Variants in TDRD3 observed in about 807,000 individuals in gnomAD.
The protein encoded by TDRD3 is tudor domain-containing protein 3.
TDRD3 carries 45 observed loss-of-function variants against 86.7 expected under a neutral mutation model. The ratio of observed to expected loss-of-function variants is 0.52; its 90% CI spans 0.41 to 0.67. The LOEUF is 0.67. Among genes scored for constraint, TDRD3 ranks in the 30% least tolerant of loss-of-function variants. The pLI is 0.00. For synonymous variants in TDRD3, 298 were observed against 301.7 expected (o/e 0.99, Z 0.13); for missense variants, 814 against 889.0 (o/e 0.92, Z 1.07).
At chr13:60,549,767 A>G (rs1958007326) in intron 12 of TDRD3, among the ~76,000 whole-genome samples, 1 of 152,062 alleles carries the variant, frequency 6.6e-6, no homozygotes, top group Non-Finnish European at 1.5e-5. Context: ...TCTGTCTATT[A>G]TTGACCATTT....
intron 3 of TDRD3, among the ~76,000 whole-genome samples, chr13:60,459,768 A>T (rs886599346): frequency 2.6e-5 from 4 of 152,078 alleles, no homozygotes; most frequent in Non-Finnish European, 5.9e-5. Context: ...TTACAGGTGC[A>T]TGCCACCATA....
intron 8 of TDRD3, among the ~76,000 whole-genome samples, chr13:60,502,764 A>C (rs944981857): frequency 6.6e-6 from 1 of 152,188 alleles, no homozygotes; most frequent in Non-Finnish European, 1.5e-5. Flanking sequence ...GTATGAGGCC[A>C]GTTCTCTCCA....
At chr13:60,522,292 TAAAC>T (rs767666166) in intron 10 of TDRD3, among the ~76,000 whole-genome samples, 1 of 152,092 alleles carries the variant, frequency 6.6e-6, no homozygotes, top group Admixed American at 6.6e-5. Context: ...TAAAAACAAA[TAAAC>T]AAGAAAACTA....
intron 12 of TDRD3, among the ~76,000 whole-genome samples, chr13:60,545,515 T>C (rs1957919548): frequency 6.6e-6 from 1 of 152,080 alleles, no homozygotes; most frequent in African/African-American, 2.4e-5. Context: ...AACTGTAAAA[T>C]TTAGGGACAT....
intron 12 of TDRD3, among the ~76,000 whole-genome samples, chr13:60,563,372 G>T (rs143015163): frequency 6.6e-6 from 1 of 152,094 alleles, no homozygotes; most frequent in Non-Finnish European, 1.5e-5. Flanking sequence ...TTACATCTTA[G>T]GGGTAGAAGC....
intron 1 of TDRD3, among the ~76,000 whole-genome samples, chr13:60,420,379 A>G (rs886272322): frequency 7.5e-6 from 1 of 134,008 alleles, no homozygotes; most frequent in Non-Finnish European, 1.7e-5. Flanking sequence ...CAATTTTATC[A>G]GTTTTTTTTT....
rs116543361 is a variant in TDRD3 at position 60,516,170 on chromosome 13, T to G, written c.1141+5415T>G. On this transcript the variant is annotated intron_variant, in intron 10 of 13. Transcript: ENST00000377881. ...ATCAAACCTTTCTTGCTTCTGTGTT[T>G]TGTATCAGCATAAGCTGTCTGAGGA... Among the ~76,000 whole-genome samples, 1,426 of 152,326 alleles carry G rather than the reference T, an allele frequency of 9.4e-3. 21 individuals carry two copies. The highest frequency in any genetic ancestry group is 0.032 in the African/African-American group (1,329 of 41,586).
intron 1 of TDRD3, among the ~76,000 whole-genome samples, chr13:60,424,898 T>A (rs935192025): frequency 6.6e-6 from 1 of 152,222 alleles, no homozygotes; most frequent in East Asian, 1.9e-4. Context: ...TTGTGGCTTT[T>A]AATGTTTGGC....
chr13:60,558,329 T>G (rs1958248783), intron 12 of TDRD3, among the ~76,000 whole-genome samples: 1 of 152,186 alleles, frequency 6.6e-6, no homozygotes, highest in Non-Finnish European at 1.5e-5. Flanking sequence ...AAAAATGACA[T>G]AAACTATGAG....
At chr13:60,544,488 T>G (rs1372897592) in intron 12 of TDRD3, among the ~76,000 whole-genome samples, 4 of 150,964 alleles carry the variant, frequency 2.6e-5, no homozygotes, top group African/African-American at 9.7e-5. Flanking sequence ...AAGAAAAAAT[T>G]GTCAAAACTA....
intron 10 of TDRD3, among the ~76,000 whole-genome samples, chr13:60,518,643 C>G (rs1448315777): frequency 6.6e-6 from 1 of 152,166 alleles, no homozygotes; most frequent in Non-Finnish European, 1.5e-5. Context: ...CAGTGTCATA[C>G]TTAATTGCCT....
intron 3 of TDRD3, among the ~76,000 whole-genome samples, chr13:60,456,052 AGAGT>A (rs1423197571): frequency 6.9e-6 from 1 of 144,472 alleles, no homozygotes; most frequent in Non-Finnish European, 1.5e-5. Context: ...CCTGGGTGAC[AGAGT>A]GAGACTATGT....
chr13:60,541,655 T>G (rs1957811229), intron 12 of TDRD3, among the ~76,000 whole-genome samples: 1 of 151,054 alleles, frequency 6.6e-6, no homozygotes, highest in Non-Finnish European at 1.5e-5. Context: ...TATAATAGAT[T>G]GATTTTTCAT....
chr13:60,425,236 A>T (rs987949348), intron 1 of TDRD3, among the ~76,000 whole-genome samples: 16 of 152,224 alleles, frequency 1.1e-4, no homozygotes, highest in Non-Finnish European at 2.4e-4. Flanking sequence ...AAGACATAAA[A>T]ATGTCTAAGA....
intron 12 of TDRD3, among the ~76,000 whole-genome samples, chr13:60,543,132 A>G (rs1421355304): frequency 2.0e-5 from 3 of 152,230 alleles, no homozygotes; most frequent in Non-Finnish European, 4.4e-5. Flanking sequence ...AGGGAAAGGA[A>G]GTACTACAAC....
At chr13:60,492,535 C>T (rs1231679378) in intron 7 of TDRD3, among the ~76,000 whole-genome samples, 1 of 152,160 alleles carries the variant, frequency 6.6e-6, no homozygotes, top group African/African-American at 2.4e-5. Context: ...AGTGGCTGGG[C>T]CAAGATAAGT....
chr13:60,473,714 C>A (rs1365553361), intron 5 of TDRD3, among the ~76,000 whole-genome samples: 1 of 152,142 alleles, frequency 6.6e-6, no homozygotes, highest in East Asian at 1.9e-4. Flanking sequence ...TGAGAAGTGA[C>A]CAGAAGACAA....
chr13:60,474,022 A>C (rs1357356636), intron 5 of TDRD3, among the ~76,000 whole-genome samples: 1 of 152,192 alleles, frequency 6.6e-6, no homozygotes, highest in Non-Finnish European at 1.5e-5. Flanking sequence ...CAGAGGCCTG[A>C]CTGTCTCCCT....
At position 60,494,502 on chromosome 13, in the gene TDRD3, G is replaced by A. The variant is rs569390122; in HGVS notation, c.785G>A (p.Arg262Gln). 22 of 1,613,622 alleles carry A rather than the reference G, an allele frequency of 1.4e-5. No individual in the cohort carries two copies. The highest frequency in any genetic ancestry group is 1.9e-5 in the Non-Finnish European group (22 of 1,179,836). The change falls in exon 8 of 14, where the codon CGA becomes CAA. Residue 262 changes from arginine (R) to glutamine (Q), a missense_variant. By Grantham distance (43) the Arg-to-Gln change is conservative. Coordinates refer to ENST00000377881, the MANE Select transcript of TDRD3 (RefSeq NM_001146070.2). ...SNLNMNAAGNRNREVLQKEKS... is the reference protein window; with the variant it reads ...SNLNMNAAGNQNREVLQKEKS... Reference sequence around the variant, plus strand: ...CTCAATATGAATGCTGCTGGTAACCGAAATAGGGAAGTTTTACAGAAAGAA... The same window carrying A: ...CTCAATATGAATGCTGCTGGTAACCAAAATAGGGAAGTTTTACAGAAAGAA...
Sources: gnomAD v4.1 joint callset for allele counts (sites outside exome capture counted in the v4.1 genomes callset) on GRCh38, gnomAD v4.1.1 for gene constraint, MANE v1.5 for transcripts, NCBI Gene and HGNC (gene_info 2026-07-23, HGNC 2026-07-21) for gene names.